The following CAPN12 variants were observed in gnomAD, a reference collection of about 807,000 sequenced individuals.
The protein encoded by CAPN12 is calpain 12.
In CAPN12, 107 loss-of-function variants were observed where a neutral mutation model predicts 95.0. The observed-to-expected ratio is 1.13, with a 90% confidence interval of 0.96 to 1.32. CAPN12 has a LOEUF of 1.32. CAPN12 is among the 40% of genes most tolerant of loss of function. The pLI is 0.00. For synonymous variants in CAPN12, 505 were observed against 415.5 expected, an observed-to-expected ratio of 1.22 and a Z score of -2.62; for missense variants, 1,136 against 997.8, an observed-to-expected ratio of 1.14 and a Z score of -1.87.
rs756131460 is a variant in CAPN12 at position 38,737,570 on chromosome 19, A to C, written c.1034T>G (p.Leu345Arg). Residue 345 changes from leucine (L) to arginine (R), a missense_variant, in exon 9 of 21, where the codon CTG (leucine) becomes CGG (arginine). Transcript: ENST00000328867. ...GCCGCCCCCCTCCGGGCTGGGGCCCAGCACCTCCGGGCTCAGCGAGCAGAT... is the reference window on the plus strand; with the variant it reads ...GCCGCCCCCCTCCGGGCTGGGGCCCCGCACCTCCGGGCTCAGCGAGCAGAT... ...VQICSLSPEV[L>R]GPSPEGGGWH... The C allele has an allele frequency of 2.5e-6, 4 of 1,612,274 alleles. No homozygotes were observed. Among genetic ancestry groups the C allele is most frequent in the Non-Finnish European group, 3.4e-6 (4 of 1,179,792 alleles).
chr19:38,741,832 G>C lies in CAPN12; in HGVS notation c.505C>G (p.Arg169Gly). ...CAGAACTCATTCCGCTGTTCCGAGC[G>C]CACGAACATCAGCTTCCCCTCACGC... ...PVREGKLMFV[R>G]SEQRNEFWAP... Residue 169 changes from arginine to glycine, a missense_variant, in exon 4 of 21, where the codon CGC (arginine) becomes GGC (glycine). Physicochemically the swap from Arg to Gly is moderately radical, Grantham distance 125. Coordinates refer to ENST00000328867, the MANE Select transcript of CAPN12 (RefSeq NM_144691.4). The C allele has an allele frequency of 6.2e-7, 1 of 1,614,064 alleles. No homozygotes were observed.
intron 18 of CAPN12, among the ~76,000 whole-genome samples, chr19:38,732,480 C>T (rs555888621): frequency 1.3e-5 from 2 of 152,292 alleles, no homozygotes; most frequent in South Asian, 4.1e-4. Flanking sequence ...TACAGGCACG[C>T]ACCACCACGC....
intron 18 of CAPN12, among the ~76,000 whole-genome samples, chr19:38,732,064 C>A (rs1969659937): frequency 6.6e-6 from 1 of 152,262 alleles, no homozygotes; most frequent in African/African-American, 2.4e-5. Flanking sequence ...GCGCTGGAGC[C>A]CCTCAGCTGC....
Position 38,736,209 on chromosome 19 carries a change from A to G in CAPN12, c.1484T>C (p.Leu495Pro). 6.6e-7 allele frequency: 1 copy of G among 1,504,534 alleles called. No individual in the cohort carries two copies. Among genetic ancestry groups the G allele is most frequent in the Non-Finnish European group, 8.8e-7 (1 of 1,131,254 alleles). The allele number at this position is 1,504,534 out of a possible 1,614,324, so 93.2% of individuals were successfully genotyped here. ...CACCACCAGGTAGTGGCCTGGACGC[A>G]GGCAGCAGCGGCGGGTCACGTCGCG... is the stretch of plus-strand genomic sequence containing the variant. ...ARRDVTRRCC[L>P]RPGHYLVVPS... Residue 495 changes from leucine (L) to proline (P), a missense_variant, in exon 12 of 21, where the codon CTG becomes CCG. Physicochemically the swap from Leu to Pro is moderately conservative, Grantham distance 98. Transcript: ENST00000328867.
intron 14 of CAPN12, 66 bp downstream of exon 14, chr19:38,735,304 G>A: frequency 6.9e-7 from 1 of 1,451,386 alleles, no homozygotes; most frequent in Non-Finnish European, 9.3e-7. Context: ...TGCTGGGGTG[G>A]GGGAAGGGGG....
chr19:38,734,392 A>G lies in CAPN12; in HGVS notation c.1745-3T>C. The G allele has an allele frequency of 6.3e-7, 1 of 1,580,068 alleles. No homozygotes were observed. The highest frequency in any genetic ancestry group is 8.6e-7 in the Non-Finnish European group (1 of 1,164,388). Reference sequence around the variant, plus strand: ...GGGGGTGGAGGTATGGGCCCTGGCTACAGGAAAAACAAAGTCAAACCACAG... The same window carrying G: ...GGGGGTGGAGGTATGGGCCCTGGCTGCAGGAAAAACAAAGTCAAACCACAG... On this transcript the variant is annotated splice_region_variant and splice_polypyrimidine_tract_variant and intron_variant, in intron 15 of 20. Transcript: ENST00000328867.
In CAPN12 at chr19:38,741,979, T is replaced by C. The variant is rs1599933758; in HGVS notation, c.427-69A>G. 1.9e-6 allele frequency: 3 copies of C among 1,577,518 alleles called. No individual in the cohort carries two copies. In the South Asian group the frequency reaches 3.4e-5, roughly 18 times the overall value. ...AACCCTGCCTGGGCCCTGCCTCTGCTGTGCCAGTCCCAGAGTCAGGAATTA... is the reference window on the plus strand; with the variant it reads ...AACCCTGCCTGGGCCCTGCCTCTGCCGTGCCAGTCCCAGAGTCAGGAATTA... On this transcript the variant is annotated intron_variant, in intron 3 of 20. Transcript: ENST00000328867.
intron 18 of CAPN12, chr19:38,733,166 C>T (rs539141577): frequency 1.3e-5 from 2 of 151,248 alleles, no homozygotes; most frequent in East Asian, 3.9e-4. Flanking sequence ...TCACGGCTCA[C>T]TGCAGCCTCA....
chr19:38,736,649 T>C, intron 10 of CAPN12, 86 bp from the exon 11 acceptor site: 1 of 1,342,716 alleles, frequency 7.4e-7, no homozygotes, highest in Non-Finnish European at 1.0e-6. Flanking sequence ...CTCACCTCTG[T>C]GCTCTCTCCC....
chr19:38,738,738 A>AGGTTG, intron 5 of CAPN12, 90 bp from the exon 6 acceptor site: 1 of 1,140,086 alleles, frequency 8.8e-7, no homozygotes, highest in Non-Finnish European at 1.3e-6. Flanking sequence ...CCAAGGCAGG[A>AGGTTG]GCCAACCAGA....
At chr19:38,731,535 G>T (rs998465008) in intron 18 of CAPN12, 1 of 430,500 alleles carries the variant, frequency 2.3e-6, no homozygotes, top group East Asian at 4.3e-5. Flanking sequence ...CTCCTTGCCA[G>T]TGGGCACTGG....
At position 38,731,234 on chromosome 19, in the gene CAPN12, G is replaced by T. The variant is rs529335785; in HGVS notation, c.1958-11C>A. The T allele has an allele frequency of 3.2e-5, 52 of 1,609,466 alleles. 1 individual carries two copies. In the South Asian group the frequency reaches 5.1e-4, roughly 16 times the overall value. On this transcript the variant is annotated splice_polypyrimidine_tract_variant and intron_variant, in intron 18 of 20. Transcript: ENST00000328867. Reference sequence around the variant, plus strand: ...TGTTCAGGTGGAAGCCTAGGGGGAGGCTGCTTCTGAGCCCAGTGGCCCACA... The same window carrying T: ...TGTTCAGGTGGAAGCCTAGGGGGAGTCTGCTTCTGAGCCCAGTGGCCCACA...
rs764685305 is a variant in CAPN12, at chr19:38,736,578, A to AGCAAGGGGCGTCGGG, written c.1363-30_1363-16dup. Reference sequence around the variant, plus strand: ...TCCTCTGGAATCTGAAAGAAGCAAGAGCAAGGGGCGTCGGGGCAGGGGAGA... The same window carrying AGCAAGGGGCGTCGGG: ...TCCTCTGGAATCTGAAAGAAGCAAGAGCAAGGGGCGTCGGGGCAAGGGGCGTCGGGGCAGGGGAGA... On this transcript the variant is annotated splice_polypyrimidine_tract_variant and intron_variant, in intron 10 of 20. Coordinates refer to ENST00000328867, the MANE Select transcript of CAPN12 (RefSeq NM_144691.4). 1,698 of 1,604,684 alleles carry AGCAAGGGGCGTCGGG rather than the reference A, an allele frequency of 1.1e-3. 12 individuals carry two copies. Among genetic ancestry groups the AGCAAGGGGCGTCGGG allele is most frequent in the Admixed American group, 8.0e-3 (476 of 59,218 alleles).
At chr19:38,733,840 G>T in intron 17 of CAPN12, 59 bp from the exon 18 acceptor site, 1 of 1,416,430 alleles carries the variant, frequency 7.1e-7, no homozygotes, top group South Asian at 1.2e-5. Context: ...CTGCCAATGG[G>T]GCCTCCCAGG....
chr19:38,737,570 A>AG lies in CAPN12; in HGVS notation c.1033dup (p.Leu345ProfsTer31). On this transcript the variant is annotated frameshift_variant, in exon 9 of 21. Coordinates refer to ENST00000328867, the MANE Select transcript of CAPN12 (RefSeq NM_144691.4). LOFTEE classifies it high-confidence loss of function. ...GCCGCCCCCCTCCGGGCTGGGGCCC[A>AG]GCACCTCCGGGCTCAGCGAGCAGAT... 1 of 1,612,274 alleles carries AG rather than the reference A, an allele frequency of 6.2e-7. No individual in the cohort carries two copies. Among genetic ancestry groups the AG allele is most frequent in the South Asian group, 1.1e-5 (1 of 91,026 alleles).
Position 38,743,061 on chromosome 19 carries a change from G to A in CAPN12, c.279C>T (p.Ser93=), listed in dbSNP as rs1326550520. ...AEPKFICEDM[S]RTDVCQGSLG... is the part of the protein sequence containing the mutation. Reference sequence around the variant, plus strand: ...GGCTCCCCTGACACACGTCTGTGCGGCTCATGTCTTCACAGATGAACTTCG... The same window carrying A: ...GGCTCCCCTGACACACGTCTGTGCGACTCATGTCTTCACAGATGAACTTCG... Residue 93 remains serine (S), a synonymous_variant, in exon 2 of 21, where the codon AGC becomes AGT. Coordinates refer to ENST00000328867, the MANE Select transcript of CAPN12 (RefSeq NM_144691.4). The A allele has an allele frequency of 6.2e-7, 1 of 1,614,002 alleles. No homozygotes were observed. The highest frequency in any genetic ancestry group is 1.3e-5 in the African/African-American group (1 of 74,982).
intron 7 of CAPN12, 25 bp from the exon 8 acceptor site, chr19:38,738,372 C>T (rs755834781): frequency 2.4e-5 from 39 of 1,611,420 alleles, no homozygotes; most frequent in South Asian, 4.4e-5. Context: ...GTGTGAGGGG[C>T]GGGCAGGTGG....
In CAPN12 at chr19:38,738,637, A is replaced by T. The variant is rs1261475057; in HGVS notation, c.741T>A (p.Gly247=). ...CCAGGCCCTCTTCTGTGCGGTACTC[A>T]CCCCGATCACTCTGGGCAGGGGATG... is the stretch of plus-strand genomic sequence containing the variant. The part of the protein sequence containing the change: ...LVGATALSDR[G]EYRTEEGLVK... Residue 247 remains glycine (G), a synonymous_variant, in exon 6 of 21, where the codon GGT becomes GGA. Coordinates refer to ENST00000328867, the MANE Select transcript of CAPN12 (RefSeq NM_144691.4). 6.2e-7 allele frequency: 1 copy of T among 1,613,530 alleles called. No homozygotes were observed. Among genetic ancestry groups the T allele is most frequent in the Non-Finnish European group, 8.5e-7 (1 of 1,179,924 alleles).
chr19:38,736,283 C>G lies in CAPN12; in HGVS notation c.1410G>C (p.Ala470=). The change falls in exon 12 of 21, where the codon GCG becomes GCC. Residue 470 remains alanine, a synonymous_variant. Coordinates refer to ENST00000328867, the MANE Select transcript of CAPN12 (RefSeq NM_144691.4). ...LGLWDSPRSH[A]LLPRLLRADR... is the part of the protein sequence containing the mutation. ...CGGCGCGCAGCAGCCGGGGCAGGAG[C>G]GCATGGCTGCGCGGGGAATCCCAGA... The G allele has an allele frequency of 6.2e-6, 9 of 1,445,188 alleles. No individual in the cohort carries two copies. The highest frequency in any genetic ancestry group is 7.2e-6 in the Non-Finnish European group (8 of 1,107,248). 89.5% of individuals were successfully genotyped at this position (1,445,188 alleles called of 1,614,324 possible).
Sources: gnomAD v4.1 joint callset for allele counts (sites outside exome capture counted in the v4.1 genomes callset) on GRCh38, gnomAD v4.1.1 for gene constraint, MANE v1.5 for transcripts, NCBI Gene and HGNC (gene_info 2026-07-23, HGNC 2026-07-21) for gene names.